The following PCNX1 variants were observed in gnomAD, a reference collection of about 807,000 sequenced individuals.
PCNX1 encodes pecanex 1.
PCNX1 carries 78 observed loss-of-function variants against 242.2 expected under a neutral mutation model. The observed-to-expected ratio is 0.32, with a 90% CI of 0.27 to 0.39. The LOEUF (loss-of-function observed/expected upper bound fraction) is 0.39, where lower values mean the gene tolerates loss of function less well. PCNX1 is among the 10% of genes least tolerant of loss of function. The probability of loss-of-function intolerance (pLI) is 1.00; values close to 1 mark genes in which losing one functional copy is unlikely to be tolerated. For missense variants in PCNX1, 2,581 were observed against 2,856.5 expected (o/e 0.90, Z 2.20); for synonymous variants, 1,024 against 1,032.9 (o/e 0.99, Z 0.17).
At chr14:71,104,874 C>T (rs1355970634) in intron 32 of PCNX1, among the ~76,000 whole-genome samples, 2 of 151,838 alleles carry the variant, frequency 1.3e-5, no homozygotes, top group African/African-American at 2.4e-5. Context: ...TGCAGTGAGC[C>T]GAGATTGTGC....
intron 30 of PCNX1, among the ~76,000 whole-genome samples, chr14:71,097,729 T>C (rs1282885106): frequency 1.3e-5 from 2 of 152,192 alleles, no homozygotes; most frequent in Non-Finnish European, 2.9e-5. Context: ...ATCCTGTAGG[T>C]TGTCAGTTTA....
chr14:71,011,950 A>T (rs987678067), intron 10 of PCNX1: 3 of 170,418 alleles, frequency 1.8e-5, no homozygotes, highest in Admixed American at 1.2e-4. Context: ...TGGGAAGATG[A>T]TTGTTTTATT....
chr14:71,102,245 G>A (rs745889141), intron 31 of PCNX1, 25 bp downstream of exon 31: 13 of 1,546,188 alleles, frequency 8.4e-6, no homozygotes, highest in Non-Finnish European at 1.2e-5. Flanking sequence ...TATTTATTTG[G>A]TCCAAAACAT....
intron 28 of PCNX1, 69 bp from the exon 29 acceptor site, chr14:71,088,261 A>G (rs1482482696): frequency 9.6e-6 from 8 of 829,090 alleles, no homozygotes; most frequent in Non-Finnish European, 1.6e-5. Flanking sequence ...TCGCTATATT[A>G]TTTCGATTTA....
At chr14:71,007,465 A>G (rs1348463135) in intron 8 of PCNX1, among the ~76,000 whole-genome samples, 3 of 152,162 alleles carry the variant, frequency 2.0e-5, no homozygotes, top group East Asian at 1.9e-4. Flanking sequence ...TTTAAGTTCT[A>G]TTGAATACAG....
intron 28 of PCNX1, among the ~76,000 whole-genome samples, chr14:71,077,219 T>G (rs1307027176): frequency 6.6e-6 from 1 of 152,182 alleles, no homozygotes; most frequent in Admixed American, 6.5e-5. Context: ...CTAGGTCTCA[T>G]GATTTTTGTG....
intron 1 of PCNX1, among the ~76,000 whole-genome samples, chr14:70,941,030 C>CT (rs1288456771): frequency 3.9e-5 from 6 of 152,208 alleles, no homozygotes; most frequent in African/African-American, 1.2e-4. Context: ...TTTGTCTAAT[C>CT]TTTTTTCAAG....
intron 28 of PCNX1, among the ~76,000 whole-genome samples, chr14:71,086,242 G>A (rs1414300539): frequency 6.6e-6 from 1 of 152,152 alleles, no homozygotes; most frequent in Admixed American, 6.5e-5. Context: ...ATGGAATATA[G>A]TTAAAATAGT....
intron 8 of PCNX1, among the ~76,000 whole-genome samples, chr14:71,003,427 C>A (rs1044702422): frequency 2.0e-5 from 3 of 152,006 alleles, no homozygotes; most frequent in African/African-American, 7.2e-5. Flanking sequence ...GGTATGAGTT[C>A]TTTTGATATT....
Position 71,076,345 on chromosome 14 carries a change from G to T in PCNX1, c.5263G>T (p.Ala1755Ser). The change falls in exon 28 of 36, where the codon GCA (alanine) becomes TCA (serine). Residue 1755 changes from alanine to serine, a missense_variant. Ala to Ser is a moderately conservative substitution (Grantham distance 99, BLOSUM62 1). Around this residue, in one of 9 missense-constraint regions of PCNX1, gnomAD observed 298 missense variants for 480.1 expected, o/e 0.62. Coordinates refer to ENST00000304743, the MANE Select transcript of PCNX1 (RefSeq NM_014982.3). The part of the protein sequence containing the change: ...NIDEDYDHRL[A>S]GISRESFCVI... ...TGATGAAGACTATGACCACCGACTG[G>T]CAGGCATATCTAGGGAGAGTTTCTG... is the stretch of plus-strand genomic sequence containing the variant. The T allele has an allele frequency of 6.2e-7, 1 of 1,613,934 alleles. No individual in the cohort carries two copies. The highest frequency in any genetic ancestry group is 1.3e-5 in the African/African-American group (1 of 75,028).
At chr14:70,949,987 T>G (rs2057712975) in intron 2 of PCNX1, among the ~76,000 whole-genome samples, 1 of 152,218 alleles carries the variant, frequency 6.6e-6, no homozygotes, top group Non-Finnish European at 1.5e-5. Context: ...ATATGAAATA[T>G]TTCAGACATC....
chr14:70,959,692 G>A (rs1273697361), intron 2 of PCNX1, among the ~76,000 whole-genome samples: 3 of 150,714 alleles, frequency 2.0e-5, no homozygotes, highest in African/African-American at 4.9e-5. Flanking sequence ...GTAAACATAC[G>A]TGTGCATGTG....
chr14:70,920,198 C>G (rs2140082874), intron 1 of PCNX1, among the ~76,000 whole-genome samples: 1 of 152,266 alleles, frequency 6.6e-6, no homozygotes, highest in South Asian at 2.1e-4. Flanking sequence ...ACCCTTCACC[C>G]AGTGTCCTCT....
At chr14:71,109,099 ATTTC>A in intron 34 of PCNX1, 53 bp downstream of exon 34, 1 of 1,406,586 alleles carries the variant, frequency 7.1e-7, no homozygotes, top group Non-Finnish European at 9.7e-7. Flanking sequence ...ATTTGTTTTT[ATTTC>A]TTATTTGTTG....
At position 71,010,907 on chromosome 14, in the gene PCNX1, G is replaced by C. The variant is rs142903365; in HGVS notation, c.2721-585G>C. ...ATGCTCTTTAAGCTCCTTTGGTCTA[G>C]TTTCAGAATTCACCCTCTCAAAAAA... is the stretch of plus-strand genomic sequence containing the variant. On this transcript the variant is annotated intron_variant, in intron 9 of 35. Coordinates refer to ENST00000304743, the MANE Select transcript of PCNX1 (RefSeq NM_014982.3). Among the ~76,000 whole-genome samples the C allele has an allele frequency of 7.9e-5, 12 of 152,130 alleles. No individual in the cohort carries two copies. The East Asian group carries it at 1.5e-3, about 20-fold the overall frequency.
At chr14:71,074,819 T>C (rs1199831157) in intron 27 of PCNX1, among the ~76,000 whole-genome samples, 1 of 152,118 alleles carries the variant, frequency 6.6e-6, no homozygotes, top group African/African-American at 2.4e-5. Context: ...TTGGGCAAGG[T>C]TAATCCTTTA....
At chr14:70,980,103 A>T (rs1195229191) in intron 6 of PCNX1, among the ~76,000 whole-genome samples, 1 of 152,066 alleles carries the variant, frequency 6.6e-6, no homozygotes, top group African/African-American at 2.4e-5. Context: ...AATGAATTTT[A>T]AGTCAACATG....
chr14:71,097,437 C>A (rs1039657887), intron 30 of PCNX1, among the ~76,000 whole-genome samples: 1 of 152,148 alleles, frequency 6.6e-6, no homozygotes, highest in Non-Finnish European at 1.5e-5. Context: ...ATAAGCATTC[C>A]CTTTTCTCCT....
At chr14:70,922,614 T>C (rs1199879642) in intron 1 of PCNX1, among the ~76,000 whole-genome samples, 2 of 152,276 alleles carry the variant, frequency 1.3e-5, no homozygotes, top group African/African-American at 4.8e-5. Context: ...CATATATGTA[T>C]GTACTTGAAA....
Sources: allele counts gnomAD v4.1 joint callset (sites outside exome capture counted in the v4.1 genomes callset), GRCh38; gene constraint gnomAD v4.1.1; regional missense constraint gnomAD v4.1.1; transcripts MANE v1.5; gene names NCBI Gene and HGNC (gene_info 2026-07-23, HGNC 2026-07-21).